The following PPRC1 variants were observed in gnomAD, a reference collection of about 807,000 sequenced individuals.
PPRC1 encodes the protein peroxisome proliferator-activated receptor gamma coactivator-related protein 1.
In PPRC1, 23 loss-of-function variants were observed where a neutral mutation model predicts 132.5. The observed-to-expected ratio is 0.17, with a 90% confidence interval of 0.12 to 0.25. The LOEUF (loss-of-function observed/expected upper bound fraction) is 0.25. Among genes scored for constraint, PPRC1 ranks in the 10% least tolerant of loss-of-function variants. The pLI is 1.00. For synonymous variants in PPRC1, 872 were observed against 833.5 expected (o/e 1.05, Z -0.80); for missense variants, 2,006 against 2,089.1 (o/e 0.96, Z 0.78).
At chr10:102,135,926 G>C (rs1340174077) in intron 1 of PPRC1, among the ~76,000 whole-genome samples, 2 of 152,196 alleles carry the variant, frequency 1.3e-5, no homozygotes, top group East Asian at 3.8e-4. Flanking sequence ...TCTGGGAGCT[G>C]TGCTGTTTGG....
intron 9 of PPRC1, 106 bp downstream of exon 9, chr10:102,147,498 A>C: frequency 7.2e-7 from 1 of 1,384,088 alleles, no homozygotes; most frequent in Non-Finnish European, 9.7e-7. Context: ...TTCAGGCGCT[A>C]AGGCTTCTAT....
At chr10:102,123,403 G>A in the PPRC1 span, among the ~76,000 whole-genome samples, 4 of 151,006 alleles carry the variant, frequency 2.6e-5, no homozygotes, top group Non-Finnish European at 5.9e-5. Flanking sequence ...GTGGAGGGGG[G>A]GTCTTTAACT....
chr10:102,149,787 G>A, intron 13 of PPRC1, 139 bp from the exon 14 acceptor site: 1 of 686,046 alleles, frequency 1.5e-6, no homozygotes, highest in Non-Finnish European at 2.6e-6. Context: ...GGGGACTGGG[G>A]ACTCTCCTAT....
At position 102,140,856 on chromosome 10, in the gene PPRC1, C is replaced by T; in HGVS notation, c.2348C>T (p.Pro783Leu). 1 of 1,614,100 alleles carries T rather than the reference C, an allele frequency of 6.2e-7. No homozygotes were observed. ...QPPTGKWPSL[P>L]ETPTGLADIP... ...CCAACTGGGAAGTGGCCTAGCCTTC[C>T]AGAGACTCCCACAGGGCTGGCAGAC... is the stretch of plus-strand genomic sequence containing the variant. The change falls in exon 5 of 14, where the codon CCA becomes CTA. Residue 783 changes from proline to leucine, a missense_variant. Coordinates refer to ENST00000278070, the MANE Select transcript of PPRC1 (RefSeq NM_015062.5).
the PPRC1 span, among the ~76,000 whole-genome samples, chr10:102,123,467 T>C: frequency 6.6e-6 from 1 of 152,180 alleles, no homozygotes; most frequent in East Asian, 1.9e-4. Context: ...TGGATGGGTG[T>C]AAGTGCCCAG....
Position 102,138,910 on chromosome 10 carries a change from C to T in PPRC1, c.521C>T (p.Pro174Leu). The change falls in exon 4 of 14, where the codon CCC becomes CTC. Residue 174 changes from proline to leucine, a missense_variant. This residue lies in a region of PPRC1 where 1,914 missense variants were observed against 1,917.2 expected (regional missense o/e 1.00). Transcript: ENST00000278070. ...LHKLLTLSRT[P>L]PERDLITPVD... The stretch of plus-strand genomic sequence containing the variant: ...AAGCTGCTTACTCTCTCTCGGACAC[C>T]CCCAGAACGTGACCTCATCACCCCA... 1 of 1,614,116 alleles carries T rather than the reference C, an allele frequency of 6.2e-7. No homozygotes were observed. The highest frequency in any genetic ancestry group is 8.5e-7 in the Non-Finnish European group (1 of 1,180,002).
rs2069012371 is a variant in PPRC1, at chr10:102,142,150, TC to T, written c.3496+147del. 4.0e-6 allele frequency: 4 copies of T among 1,006,410 alleles called. No individual in the cohort carries two copies. The South Asian group carries it at 7.3e-5, about 18-fold the overall frequency. The allele number at this position is 1,006,410 out of a possible 1,614,324, so 62.3% of individuals were successfully genotyped here. ...TATTTTGAGATGGAGTCTTGCTCTGTCTCCAGGCTGGAGTGCAGTGGTGCAA... is the reference window on the plus strand; with the variant it reads ...TATTTTGAGATGGAGTCTTGCTCTGTTCCAGGCTGGAGTGCAGTGGTGCAA... On this transcript the variant is annotated intron_variant, in intron 5 of 13. Transcript: ENST00000278070.
At chr10:102,143,162 C>G (rs1042819285) in intron 6 of PPRC1, 64 bp downstream of exon 6, 29 of 1,489,562 alleles carry the variant, frequency 1.9e-5, no homozygotes, top group Admixed American at 3.4e-5. Flanking sequence ...GGGCCCAGCC[C>G]TGTAGTTGCT....
chr10:102,148,791 T>G lies in PPRC1; in HGVS notation c.4618-26T>G, dbSNP rs373747409. ...GCTGTAGCCCTGGCTAATGGTGTGT[T>G]GATTTTTTTTCATTTCCAAACATAG... On this transcript the variant is annotated intron_variant, in intron 11 of 13. Transcript: ENST00000278070. The surrounding 1 kb of genome is among the most constrained non-coding windows in gnomAD (Gnocchi z 4.2). 4 of 1,614,030 alleles carry G rather than the reference T, an allele frequency of 2.5e-6. No homozygotes were observed. The highest frequency in any genetic ancestry group is 3.4e-6 in the Non-Finnish European group (4 of 1,180,032).
chr10:102,131,494 A>G (rs1170269927), upstream of PPRC1, among the ~76,000 whole-genome samples: 6 of 152,150 alleles, frequency 3.9e-5, no homozygotes, highest in African/African-American at 1.2e-4. Flanking sequence ...CTAAAGGGCA[A>G]TTTTCTACTG....
At chr10:102,137,433 A>G (rs2068766925) in intron 1 of PPRC1, among the ~76,000 whole-genome samples, 1 of 152,204 alleles carries the variant, frequency 6.6e-6, no homozygotes, top group Non-Finnish European at 1.5e-5. Flanking sequence ...TGCACTAAGC[A>G]GAGAACTAAA....
chr10:102,127,065 A>C, the PPRC1 span, among the ~76,000 whole-genome samples: 1 of 77,994 alleles, frequency 1.3e-5, no homozygotes, highest in Non-Finnish European at 2.7e-5. Context: ...ATATATATAT[A>C]TATAAATTAA....
chr10:102,139,311 T>C lies in PPRC1; in HGVS notation c.803T>C (p.Val268Ala), dbSNP rs777274464. Reference sequence around the variant, plus strand: ...CTTGCCGGGGAGCTTGACAACTGTGTGAGCAGTATCCCGGACTTCCCCATG... The same window carrying C: ...CTTGCCGGGGAGCTTGACAACTGTGCGAGCAGTATCCCGGACTTCCCCATG... ...QILAGELDNC[V>A]SSIPDFPMHL... The change falls in exon 5 of 14, where the codon GTG becomes GCG. Residue 268 changes from valine to alanine, a missense_variant. Val to Ala is a moderately conservative substitution (Grantham distance 64). Transcript: ENST00000278070. 1 of 1,614,176 alleles carries C rather than the reference T, an allele frequency of 6.2e-7. No homozygotes were observed. The highest frequency in any genetic ancestry group is 8.5e-7 in the Non-Finnish European group (1 of 1,180,010).
At chr10:102,121,248 T>G in the PPRC1 span, among the ~76,000 whole-genome samples, 1 of 152,038 alleles carries the variant, frequency 6.6e-6, no homozygotes, top group African/African-American at 2.4e-5. Context: ...CTCTCTTCCC[T>G]TCCCCCCTTT....
chr10:102,140,512 A>G lies in PPRC1; in HGVS notation c.2004A>G (p.Leu668=). The G allele has an allele frequency of 6.2e-7, 1 of 1,614,118 alleles. No homozygotes were observed. Among genetic ancestry groups the G allele is most frequent in the Non-Finnish European group, 8.5e-7 (1 of 1,180,014 alleles). Residue 668 remains leucine, a synonymous_variant, in exon 5 of 14, where the codon CTA becomes CTG. Coordinates refer to ENST00000278070, the MANE Select transcript of PPRC1 (RefSeq NM_015062.5). The part of the protein sequence containing the change: ...AVPSGPAPVD[L]ALVDPVPNDL... Reference sequence around the variant, plus strand: ...CGTCTGGCCCAGCACCAGTTGATCTAGCACTGGTTGACCCTGTTCCTAATG... The same window carrying G: ...CGTCTGGCCCAGCACCAGTTGATCTGGCACTGGTTGACCCTGTTCCTAATG...
In PPRC1 at chr10:102,139,398, C is replaced by T. The variant is rs371535701; in HGVS notation, c.890C>T (p.Ala297Val). 6 of 1,614,264 alleles carry T rather than the reference C, an allele frequency of 3.7e-6. No individual in the cohort carries two copies. Among genetic ancestry groups the T allele is most frequent in the Admixed American group, 1.7e-5 (1 of 60,030 alleles). The part of the protein sequence containing the change: ...ATAAEMAVPA[A>V]GDESISSLSE... ...GCAGCAGAGATGGCAGTGCCAGCAG[C>T]TGGTGATGAGAGCATCTCCTCCCTG... Residue 297 changes from alanine (A) to valine (V), a missense_variant, in exon 5 of 14, where the codon GCT (alanine) becomes GTT (valine). Around this residue, in one of 2 missense-constraint regions of PPRC1, gnomAD observed 1,914 missense variants for 1,917.2 expected, o/e 1.00. Transcript: ENST00000278070.
chr10:102,145,094 G>C lies in PPRC1; in HGVS notation c.3679+4G>C. 6.2e-7 allele frequency: 1 copy of C among 1,611,662 alleles called. No homozygotes were observed. The highest frequency in any genetic ancestry group is 1.3e-5 in the African/African-American group (1 of 74,980). On this transcript the variant is annotated splice_donor_region_variant and intron_variant, in intron 8 of 13. Transcript: ENST00000278070. ...CCAGAACTGGCCAACGTGGCAGGTG[G>C]GTTCAGGGTGGGGAATTCTGCCTGT...
At chr10:102,127,068 TAAATTAAAA>T in the PPRC1 span, among the ~76,000 whole-genome samples, 1 of 74,102 alleles carries the variant, frequency 1.3e-5, no homozygotes, top group Non-Finnish European at 2.7e-5. Flanking sequence ...TATATATATA[TAAATTAAAA>T]AAAAATTGAG....
chr10:102,136,580 C>T (rs571832628), intron 1 of PPRC1, among the ~76,000 whole-genome samples: 18 of 152,114 alleles, frequency 1.2e-4, no homozygotes, highest in Admixed American at 1.2e-3. Context: ...ATTCGCATAA[C>T]TTTTATTATA....
Sources: allele counts gnomAD v4.1 joint callset (sites outside exome capture counted in the v4.1 genomes callset), GRCh38; gene constraint gnomAD v4.1.1; regional missense constraint gnomAD v4.1.1; non-coding constraint Gnocchi (gnomAD v3.1); transcripts MANE v1.5; gene names NCBI Gene and HGNC (gene_info 2026-07-23, HGNC 2026-07-21).